MIGA1: variants seen among roughly 807,000 people sequenced by gnomAD.
MIGA1 encodes the protein mitoguardin 1, also known as family with sequence similarity 73, member A.
A neutral mutation model predicts 82.0 loss-of-function variants in MIGA1; 58 were observed. The observed-to-expected ratio is 0.71, with a 90% confidence interval of 0.57 to 0.88. The LOEUF (loss-of-function observed/expected upper bound fraction) is 0.88, where lower values mean the gene tolerates loss of function less well. Ranked by LOEUF, MIGA1 falls within the 40% of genes least tolerant of loss-of-function variation. MIGA1 has a pLI of 0.00. For missense variants in MIGA1, 751 were observed against 749.1 expected, an observed-to-expected ratio of 1.00 and a Z score of -0.03; for synonymous variants, 249 against 253.6, an observed-to-expected ratio of 0.98 and a Z score of 0.17.
chr1:77,790,197 A>G (rs9659817), intron 2 of MIGA1, among the ~76,000 whole-genome samples: 6,022 of 152,302 alleles, frequency 0.04, 137 homozygotes, highest in Middle Eastern at 0.078. Context: ...GCATAGATTT[A>G]TGTAACCACA....
chr1:77,861,520 T>C, intron 12 of MIGA1, 198 bp downstream of exon 12: 2 of 480,822 alleles, frequency 4.2e-6, no homozygotes, highest in East Asian at 3.7e-5. Context: ...CTAAGAAGCC[T>C]TTTTTGCTGT....
At chr1:77,827,038 C>G (rs950176425) in intron 7 of MIGA1, among the ~76,000 whole-genome samples, 2 of 152,078 alleles carry the variant, frequency 1.3e-5, no homozygotes, top group East Asian at 1.9e-4. Context: ...AGCTCCTGAC[C>G]TCAGGTGATC....
At chr1:77,871,131 AGAGGGAGAGGGC>A (rs1685978285) in intron 14 of MIGA1, among the ~76,000 whole-genome samples, 1 of 125,508 alleles carries the variant, frequency 8.0e-6, no homozygotes, top group Admixed American at 7.7e-5. Flanking sequence ...GAGAGGAGGG[AGAGGGAGAGGGC>A]AGCACATTTT....
At chr1:77,838,104 A>T (rs1684496654) in intron 7 of MIGA1, among the ~76,000 whole-genome samples, 1 of 152,206 alleles carries the variant, frequency 6.6e-6, no homozygotes, top group African/African-American at 2.4e-5. Flanking sequence ...GGACCAAGAC[A>T]TATAGTTGAT....
intron 7 of MIGA1, among the ~76,000 whole-genome samples, chr1:77,820,649 C>G (rs1683770420): frequency 6.6e-6 from 1 of 151,776 alleles, no homozygotes; most frequent in African/African-American, 2.4e-5. Flanking sequence ...CCTTTCTGAT[C>G]CTGTATTTGC....
At chr1:77,782,899 A>G (rs1473314990) in intron 1 of MIGA1, 3 of 976,922 alleles carry the variant, frequency 3.1e-6, no homozygotes, top group Non-Finnish European at 3.6e-6. Context: ...ATTTTAAATT[A>G]CTCCCTAAAA....
At chr1:77,866,478 T>C in intron 14 of MIGA1, 87 bp downstream of exon 14, 1 of 1,272,952 alleles carries the variant, frequency 7.9e-7, no homozygotes, top group Non-Finnish European at 1.1e-6. Context: ...CCGGTGGGAA[T>C]TGGCAGCTGT....
Position 77,847,516 on chromosome 1 carries a change from A to G in MIGA1, c.996+4109A>G, listed in dbSNP as rs1684889639. 5.6e-6 allele frequency: 8 copies of G among 1,437,394 alleles called. No homozygotes were observed. The Admixed American group carries it at 1.0e-4, about 18-fold the overall frequency. 89.0% of individuals were successfully genotyped at this position (1,437,394 alleles called of 1,614,324 possible). ...GAACGAGAAATGGAAAAGGAAATAC[A>G]GAGAGAAAGAGAAATGGAAAAGGGA... On this transcript the variant is annotated intron_variant, in intron 8 of 15. Transcript: ENST00000370791.
At chr1:77,828,981 A>T (rs920260526) in intron 7 of MIGA1, among the ~76,000 whole-genome samples, 1 of 152,074 alleles carries the variant, frequency 6.6e-6, no homozygotes, top group Middle Eastern at 3.2e-3. Context: ...CTGGTCCCAG[A>T]TATTTAATTT....
intron 4 of MIGA1, among the ~76,000 whole-genome samples, chr1:77,805,655 G>T (rs1240232452): frequency 6.6e-6 from 1 of 150,438 alleles, no homozygotes; most frequent in Non-Finnish European, 1.5e-5. Context: ...TCAGCCTCCC[G>T]AGTAGCTGGG....
At chr1:77,846,064 A>G (rs1684828080) in intron 8 of MIGA1, among the ~76,000 whole-genome samples, 1 of 151,844 alleles carries the variant, frequency 6.6e-6, no homozygotes, top group Non-Finnish European at 1.5e-5. Context: ...TTGTGCAGCC[A>G]GCACTACTTT....
At chr1:77,821,652 C>T (rs566134668) in intron 7 of MIGA1, among the ~76,000 whole-genome samples, 3 of 152,122 alleles carry the variant, frequency 2.0e-5, no homozygotes, top group African/African-American at 7.2e-5. Context: ...CCTCCGCCCC[C>T]CAAAGTGCTG....
At chr1:77,870,050 G>A (rs1378121118) in intron 14 of MIGA1, among the ~76,000 whole-genome samples, 1 of 112,992 alleles carries the variant, frequency 8.9e-6, no homozygotes, top group African/African-American at 3.3e-5. Flanking sequence ...GGGCAGAGGC[G>A]CCCCTCACCT....
At chr1:77,859,935 C>T in intron 10 of MIGA1, 105 bp from the exon 11 acceptor site, 1 of 692,354 alleles carries the variant, frequency 1.4e-6, no homozygotes, top group Non-Finnish European at 2.5e-6. Context: ...AATAGCACCA[C>T]ATGCAATGCA....
At chr1:77,814,104 G>A (rs1201066351) in intron 6 of MIGA1, among the ~76,000 whole-genome samples, 1 of 152,100 alleles carries the variant, frequency 6.6e-6, no homozygotes, top group Non-Finnish European at 1.5e-5. Context: ...GCCCAGGCTG[G>A]TCTCGAACTC....
chr1:77,789,095 A>G (rs72683702), intron 2 of MIGA1, among the ~76,000 whole-genome samples: 1,866 of 150,530 alleles, frequency 0.012, 42 homozygotes, highest in South Asian at 0.1. Flanking sequence ...AGCAACGTGT[A>G]TATATATATA....
chr1:77,783,862 T>C (rs1372204060), intron 2 of MIGA1, among the ~76,000 whole-genome samples: 1 of 152,244 alleles, frequency 6.6e-6, no homozygotes, highest in Non-Finnish European at 1.5e-5. Flanking sequence ...ACCACCATTC[T>C]GTTTCCTGTC....
At chr1:77,804,754 C>T (rs1002888802) in intron 4 of MIGA1, among the ~76,000 whole-genome samples, 3 of 151,960 alleles carry the variant, frequency 2.0e-5, no homozygotes, top group Non-Finnish European at 4.4e-5. Flanking sequence ...CTCAACCTCC[C>T]AAGTAGCTGG....
At chr1:77,783,840 C>T (rs907583359) in intron 2 of MIGA1, among the ~76,000 whole-genome samples, 45 of 152,162 alleles carry the variant, frequency 3.0e-4, no homozygotes, top group Admixed American at 7.9e-4. Context: ...TACCTCCTTC[C>T]CGTCATTCCC....
Sources: gnomAD v4.1 joint callset for allele counts (sites outside exome capture counted in the v4.1 genomes callset) on GRCh38, gnomAD v4.1.1 for gene constraint, MANE v1.5 for transcripts, NCBI Gene and HGNC (gene_info 2026-07-23, HGNC 2026-07-21) for gene names.